SHB: variants seen among roughly 807,000 people sequenced by gnomAD.
SHB encodes SH2 domain containing adaptor protein B.
SHB carries 20 observed loss-of-function variants against 52.3 expected under a neutral mutation model. The observed-to-expected ratio is 0.38, with a 90% CI of 0.27 to 0.56. The LOEUF (loss-of-function observed/expected upper bound fraction) is 0.56. SHB is among the 20% of genes least tolerant of loss of function. The pLI is 0.71. For synonymous variants in SHB, 397 were observed against 316.5 expected, an observed-to-expected ratio of 1.25 and a Z score of -2.70; for missense variants, 825 against 723.3, an observed-to-expected ratio of 1.14 and a Z score of -1.61.
At chr9:38,057,908 T>C (rs1368311907) in intron 1 of SHB, among the ~76,000 whole-genome samples, 2 of 152,212 alleles carry the variant, frequency 1.3e-5, no homozygotes, top group African/African-American at 4.8e-5. Flanking sequence ...GCTCCAGCCC[T>C]GTCCCTGGAG....
chr9:38,062,066 A>G (rs1166471256), intron 1 of SHB, among the ~76,000 whole-genome samples: 1 of 152,226 alleles, frequency 6.6e-6, no homozygotes, highest in Non-Finnish European at 1.5e-5. Context: ...GAAAGCGGAG[A>G]AATTACAGCA....
intron 5 of SHB, among the ~76,000 whole-genome samples, chr9:37,938,965 G>A (rs1832406481): frequency 6.6e-6 from 1 of 152,158 alleles, no homozygotes; most frequent in African/African-American, 2.4e-5. Context: ...TTGCAGCCGG[G>A]AGAGCCACTA....
chr9:38,015,579 G>A, intron 2 of SHB: 1 of 663,772 alleles, frequency 1.5e-6, no homozygotes, highest in Non-Finnish European at 2.7e-6. Flanking sequence ...TAGTAATCTG[G>A]CCAGCTCTCT....
At chr9:38,058,417 C>T (rs1041378309) in intron 1 of SHB, among the ~76,000 whole-genome samples, 1 of 152,236 alleles carries the variant, frequency 6.6e-6, no homozygotes, top group Admixed American at 6.5e-5. Context: ...GCTCTTCTCC[C>T]TCATCTCTGC....
At chr9:37,952,788 T>C (rs1241521046) in intron 4 of SHB, among the ~76,000 whole-genome samples, 1 of 151,938 alleles carries the variant, frequency 6.6e-6, no homozygotes, top group African/African-American at 2.4e-5. Flanking sequence ...ACACCGTTTA[T>C]GGAGGTGCGG....
Position 37,917,605 on chromosome 9 carries a change from A to G in SHB, c.*2216T>C, listed in dbSNP as rs7028246. 0.11 allele frequency among the ~76,000 whole-genome samples: 16,883 copies of G among 152,158 alleles called. 1,000 individuals carry two copies. The highest frequency in any genetic ancestry group is 0.14 in the African/African-American group (5,856 of 41,508). On this transcript the variant is annotated 3_prime_UTR_variant, in exon 6 of 6. Coordinates refer to ENST00000377707, the MANE Select transcript of SHB (RefSeq NM_003028.3). The stretch of plus-strand genomic sequence containing the variant: ...CAGCCTCTCTTGGGCCTCCTCTGAG[A>G]ATAAGCCTTGGGGTCCAGGCTCCTC...
intron 1 of SHB, among the ~76,000 whole-genome samples, chr9:38,032,679 C>T (rs912638752): frequency 2.0e-5 from 3 of 152,218 alleles, no homozygotes; most frequent in African/African-American, 7.2e-5. Context: ...CTCTCCTCTC[C>T]CTCCACCCTG....
chr9:37,953,040 C>T (rs1467316109), intron 4 of SHB, among the ~76,000 whole-genome samples: 3 of 151,888 alleles, frequency 2.0e-5, no homozygotes, highest in Non-Finnish European at 4.4e-5. Context: ...GTCAGACCTT[C>T]AGGTCAAGCA....
At chr9:37,972,746 G>A (rs538718695) in intron 3 of SHB, among the ~76,000 whole-genome samples, 3 of 152,302 alleles carry the variant, frequency 2.0e-5, no homozygotes, top group South Asian at 2.1e-4. Flanking sequence ...TTTGCTCAGC[G>A]CATGCTATAT....
chr9:38,047,620 C>T (rs1487873444), intron 1 of SHB, among the ~76,000 whole-genome samples: 1 of 152,246 alleles, frequency 6.6e-6, no homozygotes, highest in East Asian at 1.9e-4. Flanking sequence ...AACTGAGAAA[C>T]AGCAGCAGAT....
intron 1 of SHB, among the ~76,000 whole-genome samples, chr9:38,038,782 C>CG (rs1028610176): frequency 7.9e-5 from 12 of 152,184 alleles, no homozygotes; most frequent in Admixed American, 7.2e-4. Context: ...TAGGAGGCCC[C>CG]GGGGGTGGGG....
At chr9:38,023,772 C>T (rs1384693270) in intron 1 of SHB, among the ~76,000 whole-genome samples, 1 of 152,124 alleles carries the variant, frequency 6.6e-6, no homozygotes, top group East Asian at 1.9e-4. Context: ...TGCTGGGAGA[C>T]AGAAGTGTGA....
At chr9:37,962,918 TATTACTGCCCTCGTTTTTAAA>T (rs1832709390) in intron 3 of SHB, among the ~76,000 whole-genome samples, 1 of 152,230 alleles carries the variant, frequency 6.6e-6, no homozygotes, top group South Asian at 2.1e-4. Context: ...AGGTCAGTGC[TATTACTGCCCTCGTTTTTAAA>T]AGTGACGCCC....
intron 1 of SHB, among the ~76,000 whole-genome samples, chr9:38,047,988 C>T (rs934119750): frequency 6.6e-6 from 1 of 152,204 alleles, no homozygotes; most frequent in African/African-American, 2.4e-5. Context: ...TCCTGTGATC[C>T]TCATCGCCAG....
In SHB at chr9:38,068,477, G is replaced by T. The variant is rs1822007116; in HGVS notation, c.169C>A (p.Pro57Thr). ...ASSAASASCGPATASCFSASS... is the reference protein window; with the variant it reads ...ASSAASASCGTATASCFSASS... ...GCTGAGAAGCAGGAGGCGGTGGCCGGACCGCAGGACGCCGAGGCGGCGGAG... is the reference window on the plus strand; with the variant it reads ...GCTGAGAAGCAGGAGGCGGTGGCCGTACCGCAGGACGCCGAGGCGGCGGAG... Residue 57 changes from proline to threonine, a missense_variant, in exon 1 of 6, where the codon CCG becomes ACG. By Grantham distance (38) the Pro-to-Thr change is conservative. Transcript: ENST00000377707. 2 of 1,507,784 alleles carry T rather than the reference G, an allele frequency of 1.3e-6. No homozygotes were observed. Among genetic ancestry groups the T allele is most frequent in the East Asian group, 2.8e-5 (1 of 36,360 alleles). The allele number at this position is 1,507,784 out of a possible 1,614,324, so 93.4% of individuals were successfully genotyped here. A position where few individuals can be genotyped will look rare whatever the true frequency, so the allele number is the denominator to read the frequency against.
At chr9:37,984,735 G>A (rs919435547) in intron 2 of SHB, among the ~76,000 whole-genome samples, 2 of 152,250 alleles carry the variant, frequency 1.3e-5, no homozygotes, top group Admixed American at 6.5e-5. Flanking sequence ...TAGACACGCC[G>A]CAAAACCAGC....
intron 1 of SHB, among the ~76,000 whole-genome samples, chr9:38,055,951 T>C (rs1205989489): frequency 6.6e-6 from 1 of 152,202 alleles, no homozygotes; most frequent in Non-Finnish European, 1.5e-5. Flanking sequence ...TTTGGCATTC[T>C]GCTGTGGTGG....
Position 38,039,693 on chromosome 9 carries a change from G to A in SHB, c.718-23562C>T, listed in dbSNP as rs141429067. ...AAAACACGTAGCAAAGGGGTCATCC[G>A]GAAACAGCCCTGATATAAGAAGTAC... On this transcript the variant is annotated intron_variant, in intron 1 of 5. Coordinates refer to ENST00000377707, the MANE Select transcript of SHB (RefSeq NM_003028.3). 2.2e-4 allele frequency among the ~76,000 whole-genome samples: 34 copies of A among 152,362 alleles called. No individual in the cohort carries two copies. In the East Asian group the frequency reaches 6.2e-3, roughly 28 times the overall value.
At chr9:37,962,481 AAC>A (rs776621031) in intron 3 of SHB, among the ~76,000 whole-genome samples, 3 of 151,088 alleles carry the variant, frequency 2.0e-5, no homozygotes, top group Non-Finnish European at 2.9e-5. Flanking sequence ...TGATTTTGGG[AAC>A]AGTTTTGAAA....
Sources: allele counts gnomAD v4.1 joint callset (sites outside exome capture counted in the v4.1 genomes callset), GRCh38; gene constraint gnomAD v4.1.1; transcripts MANE v1.5; gene names NCBI Gene and HGNC (gene_info 2026-07-23, HGNC 2026-07-21).